The following PGM5 variants were observed in gnomAD, a reference collection of about 807,000 sequenced individuals.
PGM5 encodes the protein phosphoglucomutase-like protein 5.
PGM5 carries 23 observed loss-of-function variants against 59.2 expected under a neutral mutation model. The ratio of observed to expected loss-of-function variants is 0.39; its 90% confidence interval spans 0.28 to 0.55. PGM5 has a LOEUF of 0.55. Ranked by LOEUF, PGM5 falls within the 20% of genes least tolerant of loss-of-function variation. The pLI, the probability that PGM5 is intolerant of heterozygous loss-of-function variation, is 0.66. For missense variants in PGM5, 574 were observed against 748.3 expected (o/e 0.77, Z 2.72); for synonymous variants, 214 against 286.0 (o/e 0.75, Z 2.54).
Position 68,499,260 on chromosome 9 carries a change from C to T in PGM5, c.1513C>T (p.Leu505Phe), listed in dbSNP as rs1554688414. ...LRIIFSDASR[L>F]IFRLSSSSGV... is the part of the protein sequence containing the mutation. Reference sequence around the variant, plus strand: ...GATCATTTTCTCGGATGCATCACGGCTCATCTTCCGGCTCAGTTCCTCCAG... The same window carrying T: ...GATCATTTTCTCGGATGCATCACGGTTCATCTTCCGGCTCAGTTCCTCCAG... Residue 505 changes from leucine to phenylalanine, a missense_variant, in exon 10 of 11, where the codon CTC (leucine) becomes TTC (phenylalanine). This residue lies in a region of PGM5 where 300 missense variants were observed against 280.0 expected (regional missense o/e 1.07). Coordinates refer to ENST00000396396, the MANE Select transcript of PGM5 (RefSeq NM_021965.4). 2 of 1,614,164 alleles carry T rather than the reference C, an allele frequency of 1.2e-6. No individual in the cohort carries two copies. The highest frequency in any genetic ancestry group is 1.1e-5 in the South Asian group (1 of 91,074).
intron 10 of PGM5, among the ~76,000 whole-genome samples, chr9:68,520,055 G>A (rs113631845): frequency 7.5e-5 from 11 of 146,178 alleles, no homozygotes; most frequent in Admixed American, 1.4e-4. Flanking sequence ...ATACCACTGC[G>A]CTCCAGCTTG....
chr9:68,529,467 A>ATT (rs1825045825), intron 10 of PGM5, 100 bp from the exon 11 acceptor site: 5 of 815,852 alleles, frequency 6.1e-6, no homozygotes, highest in Admixed American at 2.3e-5. Context: ...TAAACAGTGA[A>ATT]TTGGAATCTG....
At chr9:68,460,048 A>T (rs768144847) in intron 6 of PGM5, among the ~76,000 whole-genome samples, 1 of 152,186 alleles carries the variant, frequency 6.6e-6, no homozygotes, top group Non-Finnish European at 1.5e-5. Context: ...GAAAGTGGAC[A>T]TTTGAAGATA....
intron 6 of PGM5, among the ~76,000 whole-genome samples, chr9:68,454,457 C>T (rs1377564125): frequency 6.6e-6 from 1 of 152,092 alleles, no homozygotes; most frequent in Non-Finnish European, 1.5e-5. Context: ...CTGAAGTGGC[C>T]TGGTGCTTGA....
intron 10 of PGM5, among the ~76,000 whole-genome samples, chr9:68,516,034 AT>A (rs2132115977): frequency 6.6e-6 from 1 of 152,356 alleles, no homozygotes; most frequent in South Asian, 2.1e-4. Context: ...ATCCAATGCT[AT>A]AGGTAGTCAT....
Position 68,392,578 on chromosome 9 carries a change from C to T in PGM5, c.1043+105C>T, listed in dbSNP as rs2480140. On this transcript the variant is annotated intron_variant, in intron 6 of 10. Transcript: ENST00000396396. ...TTCTCCCCTGCTCCATTTGGGAATG[C>T]GTTGAAAGCATGGGAACACGGTATA... The T allele has an allele frequency of 1.9e-4, 288 of 1,533,582 alleles. No homozygotes were observed. The African/African-American group carries it at 3.3e-3, about 17-fold the overall frequency. The allele number at this position is 1,533,582 out of a possible 1,614,324, so 95.0% of individuals were successfully genotyped here.
chr9:68,400,259 CAATCTCCTGATTATAGAACACGCAT>C (rs1822630633), intron 6 of PGM5, among the ~76,000 whole-genome samples: 1 of 152,110 alleles, frequency 6.6e-6, no homozygotes, highest in Non-Finnish European at 1.5e-5. Context: ...ACAACATGCA[CAATCTCCTGATTATAGAACACGCAT>C]AATCTCCTGA....
At chr9:68,370,508 C>G (rs1203546414) in intron 1 of PGM5, among the ~76,000 whole-genome samples, 10 of 152,208 alleles carry the variant, frequency 6.6e-5, no homozygotes, top group African/African-American at 1.9e-4. Flanking sequence ...GGAACTCATA[C>G]TAAAACTAGT....
At chr9:68,497,841 C>T (rs1824505533) in intron 9 of PGM5, 1 of 152,152 alleles carries the variant, frequency 6.6e-6, no homozygotes, top group Admixed American at 6.5e-5. Context: ...CTTAGGAGAA[C>T]ACATTTCCTT....
At chr9:68,402,457 C>T (rs1554680735) in intron 6 of PGM5, 2 of 152,204 alleles carry the variant, frequency 1.3e-5, no homozygotes, top group African/African-American at 4.8e-5. Flanking sequence ...TTTGTATTTA[C>T]TAGACCACCA....
chr9:68,471,616 T>TAAAAA (rs782012642), intron 7 of PGM5, among the ~76,000 whole-genome samples: 1 of 132,796 alleles, frequency 7.5e-6, no homozygotes, highest in African/African-American at 2.8e-5. Context: ...CCCTGTCTCT[T>TAAAAA]AAAAAAAAAA....
intron 10 of PGM5, among the ~76,000 whole-genome samples, chr9:68,520,705 G>A (rs1176006562): frequency 6.6e-6 from 1 of 152,176 alleles, no homozygotes; most frequent in Non-Finnish European, 1.5e-5. Flanking sequence ...AAAATTCTGT[G>A]AATAGGAATC....
chr9:68,518,466 T>G (rs753647633), intron 10 of PGM5, among the ~76,000 whole-genome samples: 1 of 152,180 alleles, frequency 6.6e-6, no homozygotes, highest in South Asian at 2.1e-4. Flanking sequence ...ATACTGGAAT[T>G]TATTCAATAC....
intron 6 of PGM5, among the ~76,000 whole-genome samples, chr9:68,438,015 A>T (rs1823466676): frequency 6.6e-6 from 1 of 152,050 alleles, no homozygotes; most frequent in Non-Finnish European, 1.5e-5. Context: ...TGGCCAGGCG[A>T]GGTGGCTCAT....
intron 6 of PGM5, chr9:68,398,598 A>G (rs1283054031): frequency 6.6e-6 from 1 of 152,238 alleles, no homozygotes; most frequent in Non-Finnish European, 1.5e-5. Context: ...AAATGCCCCA[A>G]CTTGTCTCTT....
At chr9:68,426,257 A>AT (rs1205980054) in intron 6 of PGM5, among the ~76,000 whole-genome samples, 2 of 95,298 alleles carry the variant, frequency 2.1e-5, no homozygotes, top group Non-Finnish European at 4.5e-5. Flanking sequence ...TTCCTCATGT[A>AT]TTTAAAAAAA....
chr9:68,479,224 A>C (rs1554686911), intron 7 of PGM5, among the ~76,000 whole-genome samples, 194 bp from the exon 8 acceptor site: 1 of 152,050 alleles, frequency 6.6e-6, no homozygotes, highest in African/African-American at 2.4e-5. Flanking sequence ...TATTTTTTTT[A>C]CTATTTTATT....
intron 7 of PGM5, among the ~76,000 whole-genome samples, chr9:68,468,221 T>C (rs745490695): frequency 1.3e-5 from 2 of 152,204 alleles, no homozygotes; most frequent in Non-Finnish European, 2.9e-5. Context: ...TGTTGTTTCC[T>C]TCTTTGTGTT....
intron 9 of PGM5, among the ~76,000 whole-genome samples, chr9:68,490,606 C>T (rs1261602179): frequency 6.6e-6 from 1 of 152,204 alleles, no homozygotes; most frequent in Non-Finnish European, 1.5e-5. Flanking sequence ...CTGCTTGCCT[C>T]GGGCTCCCAA....
Sources: gnomAD v4.1 joint callset for allele counts (sites outside exome capture counted in the v4.1 genomes callset) on GRCh38, gnomAD v4.1.1 for gene constraint, gnomAD v4.1.1 regional missense constraint, MANE v1.5 for transcripts, NCBI Gene and HGNC (gene_info 2026-07-23, HGNC 2026-07-21) for gene names.